PPTC7: variants seen among roughly 807,000 people sequenced by gnomAD.
The protein encoded by PPTC7 is protein phosphatase PTC7 homolog.
A neutral mutation model predicts 30.8 loss-of-function variants in PPTC7; 6 were observed. The ratio of observed to expected loss-of-function variants is 0.19; its 90% CI spans 0.11 to 0.38. The LOEUF is 0.38. Ranked by LOEUF, PPTC7 falls within the 10% of genes least tolerant of loss-of-function variation. The pLI, the probability that PPTC7 is intolerant of heterozygous loss-of-function variation, is 1.00. For missense variants in PPTC7, 218 were observed against 404.8 expected (o/e 0.54, Z 3.96); for synonymous variants, 163 against 168.1 (o/e 0.97, Z 0.23).
chr12:110,538,089 T>C, intron 5 of PPTC7, 55 bp downstream of exon 5: 3 of 1,587,792 alleles, frequency 1.9e-6, no homozygotes, highest in South Asian at 2.3e-5. Context: ...AATGCTCCAC[T>C]CTACTGACAC....
At chr12:110,547,637 C>A (rs7312139) in intron 2 of PPTC7, among the ~76,000 whole-genome samples, 21,872 of 151,984 alleles carry the variant, frequency 0.14, 2,181 homozygotes, top group African/African-American at 0.28. Flanking sequence ...TACTAGAAGT[C>A]AATTTTTTTA....
At chr12:110,571,548 T>G (rs2064537400) in intron 1 of PPTC7, among the ~76,000 whole-genome samples, 1 of 152,202 alleles carries the variant, frequency 6.6e-6, no homozygotes, top group African/African-American at 2.4e-5. Flanking sequence ...CCTACAGTAT[T>G]AATTGACTTC....
intron 4 of PPTC7, among the ~76,000 whole-genome samples, chr12:110,538,741 C>T (rs1267880569): frequency 1.3e-5 from 2 of 152,100 alleles, no homozygotes; most frequent in Non-Finnish European, 2.9e-5. Flanking sequence ...ATCCTTGCTG[C>T]TCCAACTTCC....
chr12:110,550,136 A>AT (rs1463831257), intron 2 of PPTC7, among the ~76,000 whole-genome samples: 14 of 152,132 alleles, frequency 9.2e-5, no homozygotes, highest in Admixed American at 9.2e-4. Flanking sequence ...CAGCAGACTG[A>AT]TAAAAAGAAC....
chr12:110,572,752 T>G (rs2064549381), intron 1 of PPTC7, among the ~76,000 whole-genome samples: 1 of 152,188 alleles, frequency 6.6e-6, no homozygotes, highest in Non-Finnish European at 1.5e-5. Flanking sequence ...AATTTATAAA[T>G]TCTTAAGTGA....
At chr12:110,542,673 CAAAAAAAAAAAAAAA>C (rs765332697) in intron 3 of PPTC7, among the ~76,000 whole-genome samples, 1 of 26,776 alleles carries the variant, frequency 3.7e-5, no homozygotes, top group African/African-American at 1.8e-4. Flanking sequence ...GACTCTGTCT[CAAAAAAAAAAAAAAA>C]AAAAAAAAAA....
intron 3 of PPTC7, among the ~76,000 whole-genome samples, chr12:110,542,648 T>C (rs1593144355): frequency 8.3e-6 from 1 of 120,864 alleles, no homozygotes. Context: ...TCCAGCAGCC[T>C]GGGCAGCAGA....
intron 5 of PPTC7, among the ~76,000 whole-genome samples, chr12:110,537,825 T>C (rs888329039): frequency 1.3e-5 from 2 of 152,180 alleles, no homozygotes; most frequent in African/African-American, 2.4e-5. Flanking sequence ...GTTAAACTGT[T>C]AGGAATGTCC....
At chr12:110,572,421 A>G (rs2064544425) in intron 1 of PPTC7, among the ~76,000 whole-genome samples, 1 of 152,224 alleles carries the variant, frequency 6.6e-6, no homozygotes, top group South Asian at 2.1e-4. Flanking sequence ...TGCCTGGGTG[A>G]CAGAGTGAGA....
chr12:110,552,365 A>T (rs946890100), intron 1 of PPTC7, among the ~76,000 whole-genome samples: 4 of 152,254 alleles, frequency 2.6e-5, no homozygotes, highest in African/African-American at 9.6e-5. Flanking sequence ...AGAGCTGGAG[A>T]TCACAAAGAA....
intron 1 of PPTC7, among the ~76,000 whole-genome samples, chr12:110,563,300 G>A (rs1021639830): frequency 1.4e-4 from 22 of 152,112 alleles, no homozygotes; most frequent in African/African-American, 5.3e-4. Context: ...AGGATGGACT[G>A]AAAAGTTCAA....
At chr12:110,537,487 A>C (rs774534512) in intron 5 of PPTC7, among the ~76,000 whole-genome samples, 2 of 152,242 alleles carry the variant, frequency 1.3e-5, no homozygotes, top group Admixed American at 6.5e-5. Flanking sequence ...CTAATCTGCC[A>C]AACAGCTATG....
intron 1 of PPTC7, among the ~76,000 whole-genome samples, chr12:110,577,038 G>A (rs2064594971): frequency 6.6e-6 from 1 of 151,762 alleles, no homozygotes; most frequent in African/African-American, 2.4e-5. Flanking sequence ...GTAATGGTGG[G>A]TGCCTGTAAT....
chr12:110,572,067 A>T (rs912392547), intron 1 of PPTC7, among the ~76,000 whole-genome samples: 1 of 152,168 alleles, frequency 6.6e-6, no homozygotes, highest in African/African-American at 2.4e-5. Flanking sequence ...AGCCCAGCCA[A>T]CCTTTTGCAT....
intron 1 of PPTC7, among the ~76,000 whole-genome samples, chr12:110,562,635 A>G (rs1047033695): frequency 7.9e-5 from 12 of 151,164 alleles, no homozygotes; most frequent in African/African-American, 2.9e-4. Context: ...TCTACTAAAA[A>G]TACAAAAATG....
At chr12:110,582,757 C>T (rs1435118820) in intron 1 of PPTC7, 52 bp downstream of exon 1, 2 of 1,437,738 alleles carry the variant, frequency 1.4e-6, no homozygotes, top group Non-Finnish European at 1.9e-6. Flanking sequence ...CGCGGGGAGT[C>T]CCCGGGAGGC....
chr12:110,550,687 T>G (rs1248807444), intron 2 of PPTC7, among the ~76,000 whole-genome samples: 1 of 152,126 alleles, frequency 6.6e-6, no homozygotes, highest in Non-Finnish European at 1.5e-5. Flanking sequence ...CAAACAAACG[T>G]AGAGGCCTGG....
At position 110,551,931 on chromosome 12, in the gene PPTC7, T is replaced by C. The variant is rs1210184290; in HGVS notation, c.261A>G (p.Gly87=). ...TCCCTGAGAATTGAGATGGATCAACTCCATAGTCTCTCCAGCCTCCTACAC... is the reference window on the plus strand; with the variant it reads ...TCCCTGAGAATTGAGATGGATCAACCCCATAGTCTCTCCAGCCTCCTACAC... ...ADGVGGWRDY[G]VDPSQFSGTL... is the part of the protein sequence containing the mutation. Residue 87 remains glycine, a synonymous_variant, in exon 2 of 6, where the codon GGA becomes GGG. Coordinates refer to ENST00000354300, the MANE Select transcript of PPTC7 (RefSeq NM_139283.2). The C allele has an allele frequency of 1.9e-6, 3 of 1,614,074 alleles. No homozygotes were observed. The highest frequency in any genetic ancestry group is 2.5e-6 in the Non-Finnish European group (3 of 1,179,992).
At chr12:110,580,148 CAA>C (rs1467867431) in intron 1 of PPTC7, among the ~76,000 whole-genome samples, 1 of 152,146 alleles carries the variant, frequency 6.6e-6, no homozygotes, top group Non-Finnish European at 1.5e-5. Context: ...AAAGGAGACT[CAA>C]GAGAGACTCT....
Sources: gnomAD v4.1 joint callset for allele counts (sites outside exome capture counted in the v4.1 genomes callset) on GRCh38, gnomAD v4.1.1 for gene constraint, MANE v1.5 for transcripts, NCBI Gene and HGNC (gene_info 2026-07-23, HGNC 2026-07-21) for gene names.